Variants in ST3GAL4 observed in about 807,000 individuals in gnomAD.
ST3GAL4 encodes ST3 beta-galactoside alpha-2,3-sialyltransferase 4.
A neutral mutation model predicts 42.6 loss-of-function variants in ST3GAL4; 24 were observed. The observed-to-expected ratio is 0.56, with a 90% CI of 0.41 to 0.79. The LOEUF (loss-of-function observed/expected upper bound fraction) is 0.79, where lower values mean the gene tolerates loss of function less well. ST3GAL4 is among the 30% of genes least tolerant of loss of function. The probability of loss-of-function intolerance (pLI) is 0.00; values close to 1 mark genes in which losing one functional copy is unlikely to be tolerated. For synonymous variants in ST3GAL4, 135 were observed against 163.2 expected (o/e 0.83, Z 1.32); for missense variants, 311 against 430.8 (o/e 0.72, Z 2.46).
intron 1 of ST3GAL4, among the ~76,000 whole-genome samples, chr11:126,371,502 A>G (rs1344713810): frequency 6.6e-6 from 1 of 152,154 alleles, no homozygotes; most frequent in Non-Finnish European, 1.5e-5. Context: ...CTATTTACAA[A>G]TATACACAAA....
intron 8 of ST3GAL4, chr11:126,408,720 G>A: frequency 1.7e-6 from 1 of 581,136 alleles, no homozygotes; most frequent in Non-Finnish European, 3.0e-6. Context: ...TCAGGTGGCA[G>A]CAGCCACAGG....
At chr11:126,395,973 G>A (rs910805709) in intron 1 of ST3GAL4, among the ~76,000 whole-genome samples, 6 of 151,026 alleles carry the variant, frequency 4.0e-5, no homozygotes, top group East Asian at 1.9e-4. Context: ...GGCTCTCCCC[G>A]TGAGTGAGAA....
At position 126,392,788 on chromosome 11, in the gene ST3GAL4, G is replaced by A. The variant is rs1226225344; in HGVS notation, c.-60-13308G>A. 1.3e-5 allele frequency among the ~76,000 whole-genome samples: 2 copies of A among 152,164 alleles called. No individual in the cohort carries two copies. The highest frequency in any genetic ancestry group is 2.4e-5 in the African/African-American group (1 of 41,430). On this transcript the variant is annotated intron_variant, in intron 1 of 10. Coordinates refer to ENST00000444328, the MANE Select transcript of ST3GAL4 (RefSeq NM_001254757.2). The surrounding 1 kb of genome is among the most constrained non-coding windows in gnomAD (Gnocchi z 5.8). ...CAAAGTTAATAAAGCAGCATGATGT[G>A]ACAGAGCTGGATGTGGGGGAGTGAG...
In ST3GAL4 at chr11:126,366,812, G is replaced by A. The variant is rs1016032285; in HGVS notation, c.-61+10970G>A. Among the ~76,000 whole-genome samples the A allele has an allele frequency of 1.2e-4, 18 of 152,192 alleles. No homozygotes were observed. Among genetic ancestry groups the A allele is most frequent in the African/African-American group, 3.9e-4 (16 of 41,456 alleles). ...GGTCTGCCGAGTGAGGGTTCCTTCC[G>A]GGAGGAGGCAGGGTGAGCGCAGAAA... On this transcript the variant is annotated intron_variant, in intron 1 of 10. Coordinates refer to ENST00000444328, the MANE Select transcript of ST3GAL4 (RefSeq NM_001254757.2). The surrounding 1 kb of genome is among the most constrained non-coding windows in gnomAD (Gnocchi z 4.2).
intron 1 of ST3GAL4, among the ~76,000 whole-genome samples, chr11:126,390,555 A>C (rs1005425457): frequency 6.7e-6 from 1 of 149,716 alleles, no homozygotes; most frequent in African/African-American, 2.5e-5. Flanking sequence ...GAGCCTCAGC[A>C]TCTTTTCATA....
At position 126,409,232 on chromosome 11, in the gene ST3GAL4, C is replaced by G. The variant is rs115999479; in HGVS notation, c.628-36C>G. 2 of 1,606,514 alleles carry G rather than the reference C, an allele frequency of 1.2e-6. No individual in the cohort carries two copies. The highest frequency in any genetic ancestry group is 2.2e-5 in the East Asian group (1 of 44,700). ...TGGATTTGAGAAACAGGGCTTCACC[C>G]GCTTCTGTCTCTCTCTTCTGACCCC... On this transcript the variant is annotated intron_variant, in intron 8 of 10. Transcript: ENST00000444328. This position sits in a 1 kb window ranked among gnomAD's most constrained non-coding sequence, Gnocchi z 4.9.
At position 126,406,851 on chromosome 11, in the gene ST3GAL4, C is replaced by T; in HGVS notation, c.102-92C>T. On this transcript the variant is annotated intron_variant, in intron 3 of 10. Transcript: ENST00000444328. This position sits in a 1 kb window ranked among gnomAD's most constrained non-coding sequence, Gnocchi z 5.4. ...ATGATTCCTCCCCGGCACCTTGGGA[C>T]CTTCATGCCGTGGGAGAAGGCTTAG... 2 of 1,213,150 alleles carry T rather than the reference C, an allele frequency of 1.6e-6. No individual in the cohort carries two copies. Among genetic ancestry groups the T allele is most frequent in the Non-Finnish European group, 2.4e-6 (2 of 829,136 alleles). 75.1% of individuals were successfully genotyped at this position (1,213,150 alleles called of 1,614,324 possible). A position where few individuals can be genotyped will look rare whatever the true frequency, so the allele number is the denominator to read the frequency against.
At chr11:126,362,165 A>G (rs1391122857) in intron 1 of ST3GAL4, among the ~76,000 whole-genome samples, 1 of 139,710 alleles carries the variant, frequency 7.2e-6, no homozygotes, top group Non-Finnish European at 1.5e-5. Context: ...TACAGGAGTG[A>G]GCCACCGTGT....
intron 1 of ST3GAL4, among the ~76,000 whole-genome samples, chr11:126,371,227 C>A (rs180807079): frequency 1.6e-3 from 193 of 122,906 alleles, no homozygotes; most frequent in Admixed American, 4.5e-3. Context: ...TGCAGTGGCG[C>A]GATCTCGGCT....
At chr11:126,405,646 G>A (rs1954195300) in intron 1 of ST3GAL4, 1 of 196,554 alleles carries the variant, frequency 5.1e-6, no homozygotes, top group Admixed American at 5.4e-5. Flanking sequence ...CGCCTTGGAT[G>A]GTGGAGAATA....
intron 1 of ST3GAL4, among the ~76,000 whole-genome samples, chr11:126,390,181 CAA>C (rs967357657): frequency 1.5e-5 from 2 of 133,442 alleles, no homozygotes; most frequent in Admixed American, 7.5e-5. Flanking sequence ...GACTCTGTCT[CAA>C]AAAAAAAAAA....
intron 1 of ST3GAL4, among the ~76,000 whole-genome samples, chr11:126,399,301 CTTTT>C (rs58479155): frequency 3.4e-5 from 3 of 87,736 alleles, no homozygotes; most frequent in African/African-American, 4.5e-5. Context: ...TTCTTTCCTT[CTTTT>C]TTTTTTTTTT....
Position 126,397,474 on chromosome 11 carries a change from AAAC to A in ST3GAL4, c.-60-8618_-60-8616del, listed in dbSNP as rs577240043. ...CCTCTAAGTGCTGAAATTAAGGTAT[AAAC>A]AACGTCTCATGGGAACCAAAACATC... is the stretch of plus-strand genomic sequence containing the variant. On this transcript the variant is annotated intron_variant, in intron 1 of 10. Coordinates refer to ENST00000444328, the MANE Select transcript of ST3GAL4 (RefSeq NM_001254757.2). The surrounding 1 kb of genome is among the most constrained non-coding windows in gnomAD (Gnocchi z 5.0). Among the ~76,000 whole-genome samples the A allele has an allele frequency of 9.6e-4, 146 of 152,304 alleles. 1 individual carries two copies. The highest frequency in any genetic ancestry group is 2.5e-3 in the Admixed American group (38 of 15,300).
rs1452904971 is a variant in ST3GAL4, at chr11:126,363,192, C to T, written c.-61+7350C>T. Among the ~76,000 whole-genome samples the T allele has an allele frequency of 6.6e-6, 1 of 152,202 alleles. No homozygotes were observed. Among genetic ancestry groups the T allele is most frequent in the Non-Finnish European group, 1.5e-5 (1 of 68,030 alleles). ...GGCCGTTTCTCTAGACCTCCTGCCC[C>T]CATCTCCTTCCTGTCCCTGTTTGAG... On this transcript the variant is annotated intron_variant, in intron 1 of 10. Coordinates refer to ENST00000444328, the MANE Select transcript of ST3GAL4 (RefSeq NM_001254757.2). The surrounding 1 kb of genome is among the most constrained non-coding windows in gnomAD (Gnocchi z 4.6).
In ST3GAL4 at chr11:126,392,606, A is replaced by T. The variant is rs1341874469; in HGVS notation, c.-60-13490A>T. On this transcript the variant is annotated intron_variant, in intron 1 of 10. Coordinates refer to ENST00000444328, the MANE Select transcript of ST3GAL4 (RefSeq NM_001254757.2). This position sits in a 1 kb window ranked among gnomAD's most constrained non-coding sequence, Gnocchi z 5.8. ...CTCACAGTCATCTTATTGTTTGCTG[A>T]TGAATTCAGACCTCCATTCATTTAA... Among the ~76,000 whole-genome samples, 1 of 152,190 alleles carries T rather than the reference A, an allele frequency of 6.6e-6. No individual in the cohort carries two copies. Among genetic ancestry groups the T allele is most frequent in the Non-Finnish European group, 1.5e-5 (1 of 68,026 alleles).
At chr11:126,389,351 A>G (rs1006418768) in intron 1 of ST3GAL4, among the ~76,000 whole-genome samples, 9 of 152,194 alleles carry the variant, frequency 5.9e-5, no homozygotes, top group African/African-American at 2.2e-4. Flanking sequence ...CCTTTAAGAA[A>G]TAAAATATTG....
rs1258541363 is a variant in ST3GAL4, at chr11:126,414,458, C to T, written c.*411C>T. The T allele has an allele frequency of 4.9e-6, 1 of 205,902 alleles. No homozygotes were observed. Among genetic ancestry groups the T allele is most frequent in the Non-Finnish European group, 1.0e-5 (1 of 100,136 alleles). 12.8% of individuals were successfully genotyped at this position (205,902 alleles called of 1,614,324 possible). A position where few individuals can be genotyped will look rare whatever the true frequency, so the allele number is the denominator to read the frequency against. On this transcript the variant is annotated 3_prime_UTR_variant, in exon 11 of 11. Coordinates refer to ENST00000444328, the MANE Select transcript of ST3GAL4 (RefSeq NM_001254757.2). ...AGCGATGGCCCCACCAAGGCCTAGACACGGCACTGGCCTCCCAGGAGGGCA... is the reference window on the plus strand; with the variant it reads ...AGCGATGGCCCCACCAAGGCCTAGATACGGCACTGGCCTCCCAGGAGGGCA...
intron 9 of ST3GAL4, among the ~76,000 whole-genome samples, chr11:126,412,199 TAGAAGGCCATGGA>T (rs973728800): frequency 6.6e-6 from 1 of 152,074 alleles, no homozygotes; most frequent in African/African-American, 2.4e-5. Flanking sequence ...CAGAGCTGGC[TAGAAGGCCATGGA>T]AGTGTGGCTC....
Position 126,392,292 on chromosome 11 carries a change from TG to T in ST3GAL4, c.-60-13801del. Reference sequence around the variant, plus strand: ...GGTGTCCTCAAGCCTGCAGCTCTCCTGGGACTGCACAGAGTTTACTGTCGGA... The same window carrying T: ...GGTGTCCTCAAGCCTGCAGCTCTCCTGGACTGCACAGAGTTTACTGTCGGA... On this transcript the variant is annotated intron_variant, in intron 1 of 10. Coordinates refer to ENST00000444328, the MANE Select transcript of ST3GAL4 (RefSeq NM_001254757.2). The surrounding 1 kb of genome is among the most constrained non-coding windows in gnomAD (Gnocchi z 5.8). The T allele has an allele frequency of 1.0e-6, 1 of 984,722 alleles. No individual in the cohort carries two copies. The highest frequency in any genetic ancestry group is 1.2e-6 in the Non-Finnish European group (1 of 828,880). The allele number at this position is 984,722 out of a possible 1,614,324, so 61.0% of individuals were successfully genotyped here. A position where few individuals can be genotyped will look rare whatever the true frequency, so the allele number is the denominator to read the frequency against.
Sources: gnomAD v4.1 joint callset for allele counts (sites outside exome capture counted in the v4.1 genomes callset) on GRCh38, gnomAD v4.1.1 for gene constraint, Gnocchi (gnomAD v3.1) non-coding constraint, MANE v1.5 for transcripts, NCBI Gene and HGNC (gene_info 2026-07-23, HGNC 2026-07-21) for gene names.